The following ARL15 variants were observed in gnomAD, a reference collection of about 807,000 sequenced individuals.
The protein encoded by ARL15 is ADP-ribosylation factor-like protein 15.
A neutral mutation model predicts 25.2 loss-of-function variants in ARL15; 19 were observed. The ratio of observed to expected loss-of-function variants is 0.75; its 90% CI spans 0.53 to 1.10. The LOEUF (loss-of-function observed/expected upper bound fraction) is 1.10. Ranked by LOEUF, ARL15 falls within the 50% of genes least tolerant of loss-of-function variation. The probability of loss-of-function intolerance (pLI) is 0.00; values close to 1 mark genes in which losing one functional copy is unlikely to be tolerated. For synonymous variants in ARL15, 94 were observed against 86.8 expected, an observed-to-expected ratio of 1.08 and a Z score of -0.46; for missense variants, 220 against 246.0, an observed-to-expected ratio of 0.89 and a Z score of 0.71.
Position 54,192,279 on chromosome 5 carries a change from CA to C in ARL15, c.49-20352del, listed in dbSNP as rs897647241. ...AAAGTATAAGTAAAAAAAAAAAAGC[CA>C]AAAAAATTGCAACCTTTCCCACCAC... On this transcript the variant is annotated intron_variant, in intron 1 of 4. Coordinates refer to ENST00000504924, the MANE Select transcript of ARL15 (RefSeq NM_019087.3). 9.9e-5 allele frequency among the ~76,000 whole-genome samples: 15 copies of C among 150,830 alleles called. No individual in the cohort carries two copies. The East Asian group carries it at 2.7e-3, about 27-fold the overall frequency.
At chr5:54,277,621 G>A (rs1757958903) in intron 1 of ARL15, among the ~76,000 whole-genome samples, 1 of 152,078 alleles carries the variant, frequency 6.6e-6, no homozygotes, top group Non-Finnish European at 1.5e-5. Context: ...GCGTGGTGGC[G>A]GGCGCCTGTA....
At position 54,244,363 on chromosome 5, in the gene ARL15, C is replaced by T. The variant is rs114553030; in HGVS notation, c.48+66069G>A. ...ATGTCAAATACCATTAGAGAAACCA[C>T]GCTCAACCTCAAAAGTCTCACAATC... On this transcript the variant is annotated intron_variant, in intron 1 of 4. Coordinates refer to ENST00000504924, the MANE Select transcript of ARL15 (RefSeq NM_019087.3). Among the ~76,000 whole-genome samples the T allele has an allele frequency of 5.5e-3, 841 of 152,188 alleles. 8 individuals are homozygous for T. Among genetic ancestry groups the T allele is most frequent in the Admixed American group, 8.4e-3 (128 of 15,298 alleles).
chr5:54,300,276 C>T (rs1758582572), intron 1 of ARL15, among the ~76,000 whole-genome samples: 1 of 152,206 alleles, frequency 6.6e-6, no homozygotes, highest in African/African-American at 2.4e-5. Flanking sequence ...TCTCTTGGTA[C>T]GTTTGCTCTG....
chr5:54,180,175 A>G (rs1198788948), intron 1 of ARL15, among the ~76,000 whole-genome samples: 1 of 152,180 alleles, frequency 6.6e-6, no homozygotes, highest in Non-Finnish European at 1.5e-5. Flanking sequence ...TTATATCTCA[A>G]TAAAGTAAAA....
chr5:54,094,394 T>A (rs1430404433), intron 4 of ARL15, among the ~76,000 whole-genome samples: 1 of 150,044 alleles, frequency 6.7e-6, no homozygotes, highest in African/African-American at 2.5e-5. Flanking sequence ...GAATAAAACA[T>A]GGAAATTCCC....
At chr5:53,975,350 C>T (rs113410092) in intron 4 of ARL15, among the ~76,000 whole-genome samples, 3 of 152,282 alleles carry the variant, frequency 2.0e-5, no homozygotes, top group African/African-American at 7.2e-5. Flanking sequence ...CTGGAAATAT[C>T]TCAGTTTCAT....
chr5:54,036,585 G>GA lies in ARL15; in HGVS notation c.462+76616dup, dbSNP rs140910390. Reference sequence around the variant, plus strand: ...TTTGTTCCTGTGAACTCACTTGGGGGAAAAAAAAAACTATATTTTTGTATA... The same window carrying GA: ...TTTGTTCCTGTGAACTCACTTGGGGGAAAAAAAAAAACTATATTTTTGTATA... On this transcript the variant is annotated intron_variant, in intron 4 of 4. Transcript: ENST00000504924. Among the ~76,000 whole-genome samples, 379 of 148,062 alleles carry GA rather than the reference G, an allele frequency of 2.6e-3. 8 individuals are homozygous for GA. In the East Asian group the frequency reaches 0.059, roughly 23 times the overall value.
chr5:54,043,542 G>A (rs989431031), intron 4 of ARL15, among the ~76,000 whole-genome samples: 1 of 152,128 alleles, frequency 6.6e-6, no homozygotes, highest in African/African-American at 2.4e-5. Flanking sequence ...ATGGGTAAAG[G>A]CTGGAAATTT....
chr5:54,137,420 A>G (rs1037717379), intron 3 of ARL15, among the ~76,000 whole-genome samples: 2 of 152,162 alleles, frequency 1.3e-5, no homozygotes, highest in Admixed American at 6.5e-5. Context: ...CTTTTAGGGT[A>G]TAACCTGACA....
intron 1 of ARL15, among the ~76,000 whole-genome samples, chr5:54,226,469 C>G (rs1182561773): frequency 1.3e-5 from 2 of 152,074 alleles, no homozygotes; most frequent in Non-Finnish European, 2.9e-5. Flanking sequence ...AGGCCTCCAG[C>G]CATTCATGAC....
At chr5:53,974,802 T>C (rs1031873840) in intron 4 of ARL15, among the ~76,000 whole-genome samples, 4 of 152,206 alleles carry the variant, frequency 2.6e-5, no homozygotes, top group African/African-American at 4.8e-5. Flanking sequence ...TAAAATCTGG[T>C]TGAATCTTGA....
chr5:54,261,804 C>A (rs573401156), intron 1 of ARL15, among the ~76,000 whole-genome samples: 1 of 152,068 alleles, frequency 6.6e-6, no homozygotes, highest in Admixed American at 6.6e-5. Context: ...GGGTGGGGGT[C>A]ACTTGCTCTT....
chr5:54,064,539 A>G (rs569299568), intron 4 of ARL15, among the ~76,000 whole-genome samples: 1 of 152,344 alleles, frequency 6.6e-6, no homozygotes, highest in South Asian at 2.1e-4. Flanking sequence ...GCAGCATTGC[A>G]TCAGTCTTTG....
intron 4 of ARL15, chr5:53,912,267 G>A (rs1745489334): frequency 6.6e-6 from 1 of 152,136 alleles, no homozygotes; most frequent in Admixed American, 6.5e-5. Flanking sequence ...CCAAGCTATG[G>A]GGGCAAGACA....
intron 4 of ARL15, among the ~76,000 whole-genome samples, chr5:54,003,294 G>C (rs1270533236): frequency 6.6e-6 from 1 of 152,218 alleles, no homozygotes; most frequent in African/African-American, 2.4e-5. Context: ...AAGTATGAAT[G>C]AAGCTGTATC....
chr5:54,178,733 A>G (rs1039117738), intron 1 of ARL15, among the ~76,000 whole-genome samples: 1 of 152,262 alleles, frequency 6.6e-6, no homozygotes, highest in African/African-American at 2.4e-5. Flanking sequence ...AGCGTTGCTC[A>G]ATGAGTAAAA....
intron 4 of ARL15, among the ~76,000 whole-genome samples, chr5:54,096,365 G>A (rs1752287227): frequency 6.6e-6 from 1 of 152,178 alleles, no homozygotes; most frequent in African/African-American, 2.4e-5. Flanking sequence ...TGTTTGAAGA[G>A]AATGAACACA....
intron 4 of ARL15, among the ~76,000 whole-genome samples, chr5:54,025,401 G>T (rs1749761096): frequency 6.6e-6 from 1 of 151,758 alleles, no homozygotes; most frequent in African/African-American, 2.4e-5. Context: ...AGGAAACAGA[G>T]AATTTAATTC....
intron 4 of ARL15, among the ~76,000 whole-genome samples, chr5:53,982,124 A>G (rs1027794695): frequency 6.6e-6 from 1 of 151,428 alleles, no homozygotes; most frequent in African/African-American, 2.4e-5. Flanking sequence ...AAGACTGAAC[A>G]CTCCCAGGTT....
Sources: gnomAD v4.1 joint callset for allele counts (sites outside exome capture counted in the v4.1 genomes callset) on GRCh38, gnomAD v4.1.1 for gene constraint, MANE v1.5 for transcripts, NCBI Gene and HGNC (gene_info 2026-07-23, HGNC 2026-07-21) for gene names.